Variants in MEIS2 observed in about 807,000 individuals in gnomAD.
MEIS2 encodes the protein Meis homeobox 2.
In MEIS2, 9 loss-of-function variants were observed where a neutral mutation model predicts 58.6. That is an observed-to-expected ratio of 0.15 (90% CI 0.09 to 0.27). The LOEUF is 0.27. Ranked by LOEUF, MEIS2 falls within the 10% of genes least tolerant of loss-of-function variation. The pLI is 1.00. For missense variants in MEIS2, 427 were observed against 635.0 expected, an observed-to-expected ratio of 0.67 and a Z score of 3.52; for synonymous variants, 221 against 228.4, an observed-to-expected ratio of 0.97 and a Z score of 0.29.
At chr15:37,100,842 A>T (rs1340082948), upstream of MEIS2, 1 of 151,264 alleles carries the variant, frequency 6.6e-6, no homozygotes, top group African/African-American at 2.4e-5. Context: ...CCACAGGGAA[A>T]GTACGGTACC....
Position 37,083,717 on chromosome 15 carries a change from TGAAGTTATTTTAGTCATG to T in MEIS2, c.754+36_754+53del. 7.0e-6 allele frequency: 10 copies of T among 1,437,114 alleles called. No individual in the cohort carries two copies. In the Middle Eastern group the frequency reaches 1.8e-3, roughly 253 times the overall value. The allele number at this position is 1,437,114 out of a possible 1,614,324, so 89.0% of individuals were successfully genotyped here. The stretch of plus-strand genomic sequence containing the variant: ...CAGATGTACTGATATCATAAAATAC[TGAAGTTATTTTAGTCATG>T]CCTACTTTGCACGAGGAAAATGTTT... On this transcript the variant is annotated intron_variant, in intron 7 of 11. Transcript: ENST00000561208.
intron 8 of MEIS2, among the ~76,000 whole-genome samples, chr15:36,956,053 C>T (rs1387475360): frequency 1.4e-5 from 2 of 140,640 alleles, no homozygotes; most frequent in Non-Finnish European, 3.0e-5. Flanking sequence ...AAAAATTAGC[C>T]GGGCGTGGTG....
chr15:36,920,835 G>A (rs1228295864), intron 9 of MEIS2, among the ~76,000 whole-genome samples: 2 of 152,160 alleles, frequency 1.3e-5, no homozygotes, highest in Non-Finnish European at 2.9e-5. Flanking sequence ...TGTGGAATCT[G>A]TTGTTCTACA....
chr15:36,911,002 G>A (rs1393086788), intron 9 of MEIS2, among the ~76,000 whole-genome samples: 3 of 139,784 alleles, frequency 2.1e-5, no homozygotes, highest in Non-Finnish European at 3.0e-5. Flanking sequence ...CTGAGATCGC[G>A]CCACTGCACT....
chr15:36,991,057 A>G (rs2060254242), intron 8 of MEIS2, among the ~76,000 whole-genome samples: 1 of 152,150 alleles, frequency 6.6e-6, no homozygotes, highest in Non-Finnish European at 1.5e-5. Flanking sequence ...TCATGTTAAA[A>G]TATATTATTT....
intron 8 of MEIS2, among the ~76,000 whole-genome samples, chr15:36,993,995 A>G (rs2060388547): frequency 6.6e-6 from 1 of 152,168 alleles, no homozygotes; most frequent in Non-Finnish European, 1.5e-5. Flanking sequence ...ATAAAGCCAA[A>G]GTAATTTTAG....
At chr15:37,084,859 G>A (rs1024205380) in intron 6 of MEIS2, among the ~76,000 whole-genome samples, 4 of 152,126 alleles carry the variant, frequency 2.6e-5, no homozygotes, top group Non-Finnish European at 5.9e-5. Flanking sequence ...TGGCAGAAAC[G>A]GAGAGGAGGA....
At chr15:37,044,463 A>T (rs1341323497) in intron 7 of MEIS2, among the ~76,000 whole-genome samples, 1 of 152,188 alleles carries the variant, frequency 6.6e-6, no homozygotes, top group Non-Finnish European at 1.5e-5. Flanking sequence ...TTTCCTGTGG[A>T]TCTAAAGCTC....
chr15:36,993,792 A>G (rs2060379437), intron 8 of MEIS2, among the ~76,000 whole-genome samples: 1 of 152,172 alleles, frequency 6.6e-6, no homozygotes, highest in Non-Finnish European at 1.5e-5. Flanking sequence ...CCCAAAAGGT[A>G]CCTTCTACTG....
intron 7 of MEIS2, among the ~76,000 whole-genome samples, chr15:37,042,187 G>C (rs1291568953): frequency 6.6e-6 from 1 of 152,106 alleles, no homozygotes; most frequent in Non-Finnish European, 1.5e-5. Context: ...CAGGCAAAAA[G>C]ATTCATCTTT....
chr15:36,924,002 C>T (rs2057634400), intron 9 of MEIS2, among the ~76,000 whole-genome samples: 1 of 152,198 alleles, frequency 6.6e-6, no homozygotes, highest in African/African-American at 2.4e-5. Context: ...GGAACAAATG[C>T]TACACAAGAC....
rs563582749 is a variant in MEIS2 at position 37,001,381 on chromosome 15, A to G, written c.900+35433T>C. ...AAATCTCTTCCTACTCCAGCCCTTT[A>G]GTTCTGCATTTCAAATGCCTGGTAC... is the stretch of plus-strand genomic sequence containing the variant. On this transcript the variant is annotated intron_variant, in intron 8 of 11. Transcript: ENST00000561208. Among the ~76,000 whole-genome samples, 15 of 152,200 alleles carry G rather than the reference A, an allele frequency of 9.9e-5. No homozygotes were observed. In the South Asian group the frequency reaches 3.1e-3, roughly 32 times the overall value.
intron 7 of MEIS2, among the ~76,000 whole-genome samples, chr15:37,046,671 C>T (rs1174042322): frequency 6.6e-6 from 1 of 152,260 alleles, no homozygotes; most frequent in East Asian, 1.9e-4. Flanking sequence ...GAAACATCCT[C>T]ATACTGGTCC....
intron 8 of MEIS2, among the ~76,000 whole-genome samples, chr15:36,990,078 G>A (rs1381063505): frequency 1.3e-5 from 2 of 152,076 alleles, no homozygotes; most frequent in Non-Finnish European, 2.9e-5. Flanking sequence ...CCAAGTAGCT[G>A]GGACTACAGG....
chr15:37,059,070 C>T (rs1057077105), intron 7 of MEIS2, among the ~76,000 whole-genome samples: 1 of 152,118 alleles, frequency 6.6e-6, no homozygotes, highest in African/African-American at 2.4e-5. Context: ...TGACAAGGTA[C>T]AAAAACAAAA....
At chr15:36,912,829 C>T (rs1158530721) in intron 9 of MEIS2, among the ~76,000 whole-genome samples, 5 of 131,600 alleles carry the variant, frequency 3.8e-5, no homozygotes, top group African/African-American at 1.4e-4. Context: ...CCCCCCACTC[C>T]TGAAAAAAAA....
chr15:37,036,004 C>A (rs561840067), intron 8 of MEIS2, among the ~76,000 whole-genome samples: 2 of 152,210 alleles, frequency 1.3e-5, no homozygotes, highest in East Asian at 1.9e-4. Flanking sequence ...ACTGGTTTCC[C>A]AGAATTTCCA....
intron 8 of MEIS2, among the ~76,000 whole-genome samples, chr15:36,970,310 A>G (rs2141461635): frequency 6.6e-6 from 1 of 151,954 alleles, no homozygotes; most frequent in South Asian, 2.1e-4. Flanking sequence ...AGGCTGAGGC[A>G]GGAGAATGGC....
chr15:37,041,524 A>G (rs1223490462), intron 7 of MEIS2, among the ~76,000 whole-genome samples: 3 of 152,316 alleles, frequency 2.0e-5, no homozygotes, highest in South Asian at 4.1e-4. Flanking sequence ...AGAACACAAC[A>G]TTGCTCTGGT....
Sources: gnomAD v4.1 joint callset for allele counts (sites outside exome capture counted in the v4.1 genomes callset) on GRCh38, gnomAD v4.1.1 for gene constraint, MANE v1.5 for transcripts, NCBI Gene and HGNC (gene_info 2026-07-23, HGNC 2026-07-21) for gene names.